NOX4: variants seen among roughly 807,000 people sequenced by gnomAD.
The protein encoded by NOX4 is kidney oxidase-1.
A neutral mutation model predicts 87.6 loss-of-function variants in NOX4; 69 were observed. The observed-to-expected ratio is 0.79, with a 90% CI of 0.65 to 0.96. The LOEUF is 0.96. Among genes scored for constraint, NOX4 ranks in the 40% least tolerant of loss-of-function variants. The probability of loss-of-function intolerance (pLI) is 0.00; values close to 1 mark genes in which losing one functional copy is unlikely to be tolerated. For synonymous variants in NOX4, 275 were observed against 238.2 expected (o/e 1.15, Z -1.42); for missense variants, 680 against 681.5 (o/e 1.00, Z 0.02).
chr11:89,521,471 T>G, the NOX4 span, among the ~76,000 whole-genome samples: 2 of 151,986 alleles, frequency 1.3e-5, no homozygotes, highest in South Asian at 2.1e-4. Flanking sequence ...GAATAACTGG[T>G]TAGTCATATG....
At position 89,402,416 on chromosome 11, in the gene NOX4, A is replaced by G. The variant is rs1941918432; in HGVS notation, c.756T>C (p.Pro252=). The G allele has an allele frequency of 5.6e-6, 9 of 1,613,264 alleles. No individual in the cohort carries two copies. The East Asian group carries it at 1.8e-4, about 32-fold the overall frequency. The change falls in exon 9 of 18, where the codon CCT becomes CCC. Residue 252 remains proline (P), a synonymous_variant. Coordinates refer to ENST00000263317, the MANE Select transcript of NOX4 (RefSeq NM_016931.5). ...ACTCTGCCGGTTTTGAAAATCCTTC[A>G]GGGAAAGGTTCATGAAAATGTTCTG... The part of the protein sequence containing the change: ...YFSEHFHEPF[P]EGFSKPAEFT...
intron 6 of NOX4, among the ~76,000 whole-genome samples, chr11:89,436,179 C>G (rs1944073037): frequency 6.6e-6 from 1 of 152,118 alleles, no homozygotes; most frequent in Non-Finnish European, 1.5e-5. Context: ...ACAAAAATTC[C>G]CAGTCCACTG....
intron 11 of NOX4, among the ~76,000 whole-genome samples, chr11:89,389,643 C>T (rs1362208704): frequency 3.9e-5 from 6 of 152,098 alleles, no homozygotes; most frequent in Admixed American, 6.6e-5. Flanking sequence ...AACCTCAGTT[C>T]GAAATGGTAA....
chr11:89,419,463 A>G (rs999410519), intron 8 of NOX4, among the ~76,000 whole-genome samples: 1 of 152,000 alleles, frequency 6.6e-6, no homozygotes, highest in Non-Finnish European at 1.5e-5. Flanking sequence ...TGTTATCAGT[A>G]GTAACATTTC....
the NOX4 span, among the ~76,000 whole-genome samples, chr11:89,504,714 C>T: frequency 6.6e-6 from 1 of 151,978 alleles, no homozygotes; most frequent in Admixed American, 6.6e-5. Context: ...TTAATACAGA[C>T]ATCTGTTTCA....
the NOX4 span, among the ~76,000 whole-genome samples, chr11:89,568,049 C>A: frequency 3.5e-4 from 54 of 152,284 alleles, no homozygotes; most frequent in Admixed American, 9.8e-4. Flanking sequence ...AGCACAGCAG[C>A]TGCTTAACCT....
intron 12 of NOX4, among the ~76,000 whole-genome samples, chr11:89,367,584 C>T (rs562791368): frequency 2.7e-4 from 41 of 152,050 alleles, no homozygotes; most frequent in African/African-American, 9.6e-4. Context: ...ACTCCTTTCT[C>T]AAAACTCAAA....
chr11:89,447,082 G>A (rs1434021628), intron 4 of NOX4, among the ~76,000 whole-genome samples: 1 of 151,954 alleles, frequency 6.6e-6, no homozygotes, highest in Admixed American at 6.6e-5. Context: ...GAAAAAAAAT[G>A]GACAGGAAGC....
intron 11 of NOX4, among the ~76,000 whole-genome samples, chr11:89,374,849 T>C (rs1939722664): frequency 6.6e-6 from 1 of 152,122 alleles, no homozygotes; most frequent in African/African-American, 2.4e-5. Flanking sequence ...GCCCTGTGAT[T>C]AGCGATTGGG....
intron 11 of NOX4, among the ~76,000 whole-genome samples, chr11:89,389,756 G>A (rs1432005614): frequency 2.0e-5 from 3 of 152,092 alleles, no homozygotes; most frequent in South Asian, 4.1e-4. Context: ...AGTGTGGCAG[G>A]AGAGAGACAG....
At chr11:89,490,386 T>A (rs1946801824) in intron 2 of NOX4, 72 bp downstream of exon 2, 1 of 1,042,354 alleles carries the variant, frequency 9.6e-7, no homozygotes, top group South Asian at 1.3e-5. Context: ...TGAATGGAAC[T>A]GACCAAACCT....
chr11:89,438,735 A>G (rs1190772085), intron 6 of NOX4, among the ~76,000 whole-genome samples: 1 of 66,896 alleles, frequency 1.5e-5, no homozygotes, highest in Non-Finnish European at 2.6e-5. Context: ...TATCATATAT[A>G]CTATATATAA....
the NOX4 span, among the ~76,000 whole-genome samples, chr11:89,536,269 T>C: frequency 6.6e-6 from 1 of 150,582 alleles, no homozygotes; most frequent in African/African-American, 2.4e-5. Flanking sequence ...GCCTCAGTCT[T>C]CCGAGTAGCT....
At chr11:89,404,401 C>G (rs1942050271) in intron 8 of NOX4, among the ~76,000 whole-genome samples, 1 of 152,100 alleles carries the variant, frequency 6.6e-6, no homozygotes, top group Non-Finnish European at 1.5e-5. Context: ...TCAAATCCGC[C>G]TCCTAACACT....
the NOX4 span, among the ~76,000 whole-genome samples, chr11:89,510,431 A>G: frequency 6.6e-6 from 1 of 152,098 alleles, no homozygotes; most frequent in Non-Finnish European, 1.5e-5. Flanking sequence ...TGGCTTAACT[A>G]CGAATATGAT....
At chr11:89,389,041 T>C (rs1940926140) in intron 11 of NOX4, among the ~76,000 whole-genome samples, 1 of 152,198 alleles carries the variant, frequency 6.6e-6, no homozygotes, top group Admixed American at 6.6e-5. Flanking sequence ...CATACAGGTC[T>C]CCATCCCAAG....
chr11:89,515,657 T>G, the NOX4 span, among the ~76,000 whole-genome samples: 1 of 151,926 alleles, frequency 6.6e-6, no homozygotes, highest in South Asian at 2.1e-4. Flanking sequence ...GTAAAAATCT[T>G]TTTTATTCTA....
Position 89,335,870 on chromosome 11 carries a change from C to A in NOX4, c.1591G>T (p.Asp531Tyr), listed in dbSNP as rs1945684789. 1 of 1,597,768 alleles carries A rather than the reference C, an allele frequency of 6.3e-7. No individual in the cohort carries two copies. The highest frequency in any genetic ancestry group is 1.3e-5 in the African/African-American group (1 of 74,408). Residue 531 changes from aspartate to tyrosine, a missense_variant, in exon 17 of 18, where the codon GAT becomes TAT. Asp to Tyr is a radical substitution (Grantham distance 160). Transcript: ENST00000263317. Reference sequence around the variant, plus strand: ...CCTCTGTTATATTTTGCTATTTCATCAAACAAAAGTTTCCACCGAGGACGT... The same window carrying A: ...CCTCTGTTATATTTTGCTATTTCATAAAACAAAAGTTTCCACCGAGGACGT... ...IGRPRWKLLF[D>Y]EIAKYNRGKT...
At chr11:89,540,383 A>G in the NOX4 span, among the ~76,000 whole-genome samples, 1 of 152,166 alleles carries the variant, frequency 6.6e-6, no homozygotes, top group African/African-American at 2.4e-5. Context: ...ACAGCTAAGT[A>G]GTTTTTCAGC....
Sources: allele counts gnomAD v4.1 joint callset (sites outside exome capture counted in the v4.1 genomes callset), GRCh38; gene constraint gnomAD v4.1.1; transcripts MANE v1.5; gene names NCBI Gene and HGNC (gene_info 2026-07-23, HGNC 2026-07-21).